AK8: variants seen among roughly 807,000 people sequenced by gnomAD.
The protein encoded by AK8 is ATP-AMP transphosphorylase 8.
In AK8, 44 loss-of-function variants were observed where a neutral mutation model predicts 54.6. That is an observed-to-expected ratio of 0.81 (90% CI 0.63 to 1.04). The LOEUF (loss-of-function observed/expected upper bound fraction) is 1.04. AK8 is among the 50% of genes least tolerant of loss of function. The probability of loss-of-function intolerance (pLI) is 0.00; values close to 1 mark genes in which losing one functional copy is unlikely to be tolerated. For missense variants in AK8, 555 were observed against 613.6 expected, an observed-to-expected ratio of 0.90 and a Z score of 1.01; for synonymous variants, 239 against 245.6, an observed-to-expected ratio of 0.97 and a Z score of 0.25.
intron 11 of AK8, among the ~76,000 whole-genome samples, chr9:132,782,917 T>C (rs889351437): frequency 1.3e-5 from 2 of 152,178 alleles, no homozygotes; most frequent in Admixed American, 1.3e-4. Flanking sequence ...TGGGAAGCTC[T>C]GTAGCCCAAA....
intron 11 of AK8, among the ~76,000 whole-genome samples, chr9:132,746,564 C>A (rs1474225057): frequency 2.0e-5 from 3 of 152,240 alleles, no homozygotes; most frequent in African/African-American, 7.2e-5. Flanking sequence ...ACTATTATCA[C>A]ATGCTAATAG....
chr9:132,786,024 C>T (rs892646730), intron 11 of AK8, among the ~76,000 whole-genome samples: 1 of 152,222 alleles, frequency 6.6e-6, no homozygotes, highest in Non-Finnish European at 1.5e-5. Context: ...GGCAATCAGA[C>T]AAAGGTTTCG....
At chr9:132,820,100 T>C (rs1248588304) in intron 9 of AK8, among the ~76,000 whole-genome samples, 1 of 128,290 alleles carries the variant, frequency 7.8e-6, no homozygotes, top group Admixed American at 9.9e-5. Flanking sequence ...CAGTGAGCCA[T>C]GACTGCACCA....
At chr9:132,819,376 C>T (rs980274744) in intron 9 of AK8, among the ~76,000 whole-genome samples, 2 of 152,164 alleles carry the variant, frequency 1.3e-5, no homozygotes, top group African/African-American at 2.4e-5. Context: ...GGAACATCCT[C>T]GGATTTCAGT....
At chr9:132,751,193 G>A (rs1256238217) in intron 11 of AK8, among the ~76,000 whole-genome samples, 1 of 151,674 alleles carries the variant, frequency 6.6e-6, no homozygotes, top group Non-Finnish European at 1.5e-5. Context: ...AGACCAGCCC[G>A]GCCAACATGG....
rs1843625461 is a variant in AK8, at chr9:132,866,957, T to C, written c.170-4A>G. The C allele has an allele frequency of 5.0e-6, 8 of 1,613,906 alleles. No individual in the cohort carries two copies. In the Admixed American group the frequency reaches 1.3e-4, roughly 27 times the overall value. On this transcript the variant is annotated splice_polypyrimidine_tract_variant and splice_region_variant and intron_variant, in intron 2 of 12. Transcript: ENST00000298545. ...CCTAATATTACAATCCTGGGCACTG[T>C]GGAATAAAAAGATTTGAATGTCACC... is the stretch of plus-strand genomic sequence containing the variant.
At chr9:132,783,271 A>C (rs574740049) in intron 11 of AK8, among the ~76,000 whole-genome samples, 3,713 of 152,244 alleles carry the variant, frequency 0.024, 144 homozygotes, top group African/African-American at 0.085. Context: ...AGGAATGTGG[A>C]AGCCTCTAGA....
intron 11 of AK8, among the ~76,000 whole-genome samples, chr9:132,742,337 C>G (rs1040873480): frequency 6.6e-6 from 1 of 152,142 alleles, no homozygotes; most frequent in African/African-American, 2.4e-5. Flanking sequence ...CTACTCCCAG[C>G]TAATTTTTAA....
intron 11 of AK8, among the ~76,000 whole-genome samples, chr9:132,788,214 A>C (rs941349604): frequency 6.6e-6 from 1 of 152,156 alleles, no homozygotes; most frequent in Admixed American, 6.5e-5. Flanking sequence ...GAAAGGAAAA[A>C]CAAAAAAAAG....
chr9:132,749,813 A>G lies in AK8; in HGVS notation c.1122-22279T>C, dbSNP rs547500961. Reference sequence around the variant, plus strand: ...GGAGCTGAGGGCACTTGAAGGGGTGAGTGGGAAAGCCCACAGCCAGGAGCC... The same window carrying G: ...GGAGCTGAGGGCACTTGAAGGGGTGGGTGGGAAAGCCCACAGCCAGGAGCC... On this transcript the variant is annotated intron_variant, in intron 11 of 12. Coordinates refer to ENST00000298545, the MANE Select transcript of AK8 (RefSeq NM_152572.3). Among the ~76,000 whole-genome samples the G allele has an allele frequency of 2.0e-4, 31 of 151,766 alleles. 2 individuals carry two copies. In the South Asian group the frequency reaches 6.4e-3, roughly 32 times the overall value.
At chr9:132,850,398 CTT>C (rs71376665) in intron 5 of AK8, among the ~76,000 whole-genome samples, 11 of 123,630 alleles carry the variant, frequency 8.9e-5, no homozygotes, top group Admixed American at 1.7e-4. Context: ...AACCCTAATA[CTT>C]TTTTTTTTTT....
chr9:132,834,518 C>T (rs972667952), intron 5 of AK8, among the ~76,000 whole-genome samples: 50 of 152,180 alleles, frequency 3.3e-4, no homozygotes, highest in Non-Finnish European at 7.3e-5. Flanking sequence ...GCACTGAACA[C>T]GGAACGTTAG....
In AK8 at chr9:132,799,558, C is replaced by G. The variant is rs144989707; in HGVS notation, c.980-6783G>C. On this transcript the variant is annotated intron_variant, in intron 10 of 12. Transcript: ENST00000298545. This position sits in a 1 kb window ranked among gnomAD's most constrained non-coding sequence, Gnocchi z 5.0. ...TGACACACTACAACACACACAGGCA[C>G]GCACACACACAGACATGTGCTCATG... 1.3e-5 allele frequency among the ~76,000 whole-genome samples: 2 copies of G among 151,800 alleles called. No individual in the cohort carries two copies. Among genetic ancestry groups the G allele is most frequent in the South Asian group, 2.1e-4 (1 of 4,812 alleles).
intron 1 of AK8, 131 bp from the exon 2 acceptor site, chr9:132,875,330 C>G: frequency 4.0e-6 from 6 of 1,484,714 alleles, no homozygotes; most frequent in Non-Finnish European, 5.4e-6. Flanking sequence ...GACCCAGCCA[C>G]CGCCCCAGCT....
rs1055604394 is a variant in AK8, at chr9:132,755,267, C to T, written c.1122-27733G>A. ...ACACTACTGTGTCCTGGCACCCCCTCAGCCGCTTTCTTGCCTATGGTATCT... is the reference window on the plus strand; with the variant it reads ...ACACTACTGTGTCCTGGCACCCCCTTAGCCGCTTTCTTGCCTATGGTATCT... On this transcript the variant is annotated intron_variant, in intron 11 of 12. Coordinates refer to ENST00000298545, the MANE Select transcript of AK8 (RefSeq NM_152572.3). 2.0e-5 allele frequency among the ~76,000 whole-genome samples: 3 copies of T among 152,338 alleles called. No individual in the cohort carries two copies. The South Asian group carries it at 6.2e-4, about 32-fold the overall frequency.
chr9:132,777,889 C>G (rs1839292941), intron 11 of AK8, among the ~76,000 whole-genome samples: 1 of 152,240 alleles, frequency 6.6e-6, no homozygotes, highest in African/African-American at 2.4e-5. Context: ...TTCTTTTTCA[C>G]CCTTGTCCAC....
intron 5 of AK8, among the ~76,000 whole-genome samples, chr9:132,836,585 A>G (rs911378661): frequency 7.9e-5 from 12 of 152,172 alleles, no homozygotes; most frequent in Non-Finnish European, 1.8e-4. Context: ...GTCTTGCTAT[A>G]TTGCCCAGGC....
chr9:132,753,294 A>G (rs578043359), intron 11 of AK8, among the ~76,000 whole-genome samples: 2 of 152,232 alleles, frequency 1.3e-5, no homozygotes, highest in Non-Finnish European at 2.9e-5. Context: ...AACAACCTCC[A>G]TCCTATGCTA....
At chr9:132,797,682 T>C (rs1362152853) in intron 10 of AK8, among the ~76,000 whole-genome samples, 5 of 152,206 alleles carry the variant, frequency 3.3e-5, no homozygotes, top group Non-Finnish European at 7.3e-5. Flanking sequence ...GCTTTTTAGA[T>C]GTGTTTAACG....
Sources: gnomAD v4.1 joint callset for allele counts (sites outside exome capture counted in the v4.1 genomes callset) on GRCh38, gnomAD v4.1.1 for gene constraint, Gnocchi (gnomAD v3.1) non-coding constraint, MANE v1.5 for transcripts, NCBI Gene and HGNC (gene_info 2026-07-23, HGNC 2026-07-21) for gene names.